PPARGC1A: variants seen among roughly 807,000 people sequenced by gnomAD.
The protein encoded by PPARGC1A is PPARG coactivator 1 alpha.
In PPARGC1A, 25 loss-of-function variants were observed where a neutral mutation model predicts 88.7. The ratio of observed to expected loss-of-function variants is 0.28; its 90% confidence interval spans 0.21 to 0.39. The LOEUF is 0.39. Ranked by LOEUF, PPARGC1A falls within the 10% of genes least tolerant of loss-of-function variation. The pLI is 1.00. For missense variants in PPARGC1A, 880 were observed against 968.7 expected (o/e 0.91, Z 1.22); for synonymous variants, 363 against 355.6 (o/e 1.02, Z -0.24).
the PPARGC1A span, among the ~76,000 whole-genome samples, chr4:23,941,440 C>A: frequency 1.3e-5 from 2 of 151,972 alleles, no homozygotes; most frequent in African/African-American, 4.8e-5. Flanking sequence ...ATTTACAGAA[C>A]GGGGTGTGAT....
chr4:24,377,910 A>G, the PPARGC1A span, among the ~76,000 whole-genome samples: 99 of 152,282 alleles, frequency 6.5e-4, no homozygotes, highest in South Asian at 0.011. Flanking sequence ...TACCTAGCTA[A>G]CTCTCCAGGT....
chr4:24,281,942 A>T, the PPARGC1A span, among the ~76,000 whole-genome samples: 1 of 152,216 alleles, frequency 6.6e-6, no homozygotes, highest in Non-Finnish European at 1.5e-5. Flanking sequence ...ACTGAGGCTC[A>T]AAGGGCTTCA....
At chr4:24,262,764 C>A in the PPARGC1A span, among the ~76,000 whole-genome samples, 1 of 152,068 alleles carries the variant, frequency 6.6e-6, no homozygotes, top group Non-Finnish European at 1.5e-5. Context: ...AGGATAGCTG[C>A]TCCCTGGTTT....
At chr4:24,437,962 C>A in the PPARGC1A span, among the ~76,000 whole-genome samples, 3 of 152,142 alleles carry the variant, frequency 2.0e-5, no homozygotes, top group South Asian at 4.1e-4. Flanking sequence ...CAGGCCTGAC[C>A]CACTGTGCCC....
chr4:24,059,027 A>C, the PPARGC1A span, among the ~76,000 whole-genome samples: 1 of 152,218 alleles, frequency 6.6e-6, no homozygotes, highest in East Asian at 1.9e-4. Flanking sequence ...GCAGGAGTAG[A>C]ACTGAGGGTA....
the PPARGC1A span, among the ~76,000 whole-genome samples, chr4:24,390,523 C>T: frequency 6.6e-6 from 1 of 152,166 alleles, no homozygotes; most frequent in East Asian, 1.9e-4. Context: ...ATGTTATGCA[C>T]ATGTGCACGT....
At chr4:24,045,703 C>T in the PPARGC1A span, among the ~76,000 whole-genome samples, 1 of 152,144 alleles carries the variant, frequency 6.6e-6, no homozygotes, top group African/African-American at 2.4e-5. Flanking sequence ...TCCAGTATGA[C>T]CTTACTCTAA....
chr4:23,839,444 G>T (rs1332924909), intron 2 of PPARGC1A, among the ~76,000 whole-genome samples: 1 of 152,128 alleles, frequency 6.6e-6, no homozygotes, highest in Admixed American at 6.5e-5. Context: ...GAGCGAGCAA[G>T]GCATTCTATT....
the PPARGC1A span, among the ~76,000 whole-genome samples, chr4:24,303,848 C>T: frequency 6.6e-6 from 1 of 152,290 alleles, no homozygotes; most frequent in Non-Finnish European, 1.5e-5. Context: ...AGAGACTCTC[C>T]ATGTCTGGTT....
At chr4:24,287,634 G>GCACACA in the PPARGC1A span, among the ~76,000 whole-genome samples, 7,535 of 141,970 alleles carry the variant, frequency 0.053, 334 homozygotes, top group African/African-American at 0.12. Context: ...AACACCACAT[G>GCACACA]CACACACACA....
chr4:24,339,865 A>G, the PPARGC1A span, among the ~76,000 whole-genome samples: 3 of 151,906 alleles, frequency 2.0e-5, no homozygotes, highest in Non-Finnish European at 4.4e-5. Flanking sequence ...CAGCCTCCCG[A>G]GTAGCTGGGA....
At chr4:24,079,985 T>C in the PPARGC1A span, among the ~76,000 whole-genome samples, 1 of 152,056 alleles carries the variant, frequency 6.6e-6, no homozygotes, top group African/African-American at 2.4e-5. Flanking sequence ...GAGAAAAGCC[T>C]GCTTTACTGC....
the PPARGC1A span, among the ~76,000 whole-genome samples, chr4:24,135,899 A>C: frequency 6.6e-6 from 1 of 152,184 alleles, no homozygotes. Context: ...GAATGCGTTT[A>C]AACACCACAG....
In PPARGC1A at chr4:23,818,403, T is replaced by C. The variant is rs61688770; in HGVS notation, c.878-3798A>G. On this transcript the variant is annotated intron_variant, in intron 7 of 12. Coordinates refer to ENST00000264867, the MANE Select transcript of PPARGC1A (RefSeq NM_013261.5). ...TTTTTTATTGCCGCCTATTTTCTTT[T>C]GTCAAAAGAGCCTGCTGTGCAGAGC... 9.3e-3 allele frequency among the ~76,000 whole-genome samples: 1,411 copies of C among 152,258 alleles called. 15 individuals carry two copies. Among genetic ancestry groups the C allele is most frequent in the Middle Eastern group, 0.02 (6 of 294 alleles).
chr4:24,035,854 C>T, the PPARGC1A span, among the ~76,000 whole-genome samples: 2 of 152,158 alleles, frequency 1.3e-5, no homozygotes, highest in African/African-American at 4.8e-5. Flanking sequence ...TGGGAAAGAA[C>T]TATAACAAAA....
At chr4:24,201,502 A>C in the PPARGC1A span, among the ~76,000 whole-genome samples, 5 of 152,380 alleles carry the variant, frequency 3.3e-5, no homozygotes, top group African/African-American at 1.2e-4. Context: ...GAGAAGAAGC[A>C]CTTCAGCCAA....
At chr4:24,296,433 A>G in the PPARGC1A span, among the ~76,000 whole-genome samples, 4 of 152,130 alleles carry the variant, frequency 2.6e-5, no homozygotes, top group Admixed American at 6.5e-5. Context: ...CCCTATCTCC[A>G]AAGAACTTAG....
At chr4:24,329,257 G>C in the PPARGC1A span, among the ~76,000 whole-genome samples, 1 of 151,246 alleles carries the variant, frequency 6.6e-6, no homozygotes, top group Admixed American at 6.6e-5. Context: ...ATCTCTTTAA[G>C]CTTTTTTTTT....
chr4:24,319,378 G>C, the PPARGC1A span, among the ~76,000 whole-genome samples: 1 of 152,144 alleles, frequency 6.6e-6, no homozygotes. Flanking sequence ...TCATTCATTT[G>C]AGAAAAGACC....
Sources: gnomAD v4.1 joint callset for allele counts (sites outside exome capture counted in the v4.1 genomes callset) on GRCh38, gnomAD v4.1.1 for gene constraint, MANE v1.5 for transcripts, NCBI Gene and HGNC (gene_info 2026-07-23, HGNC 2026-07-21) for gene names.